The following SLC2A13 variants were observed in gnomAD, a reference collection of about 807,000 sequenced individuals.
SLC2A13 encodes the protein solute carrier family 2 member 13, also known as proton myo-inositol cotransporter.
Under a neutral mutation model 64.4 loss-of-function variants are expected in SLC2A13, and 32 were observed. The ratio of observed to expected loss-of-function variants is 0.50; its 90% CI spans 0.37 to 0.67. The LOEUF is 0.67. SLC2A13 is among the 30% of genes least tolerant of loss of function. The pLI is 0.00. For synonymous variants in SLC2A13, 338 were observed against 327.1 expected (o/e 1.03, Z -0.36); for missense variants, 743 against 829.2 (o/e 0.90, Z 1.28).
intron 7 of SLC2A13, among the ~76,000 whole-genome samples, chr12:39,800,338 C>A (rs1026212786): frequency 2.0e-5 from 3 of 152,080 alleles, no homozygotes; most frequent in Admixed American, 6.6e-5. Context: ...GAATTCGCAA[C>A]CTACTCATCT....
intron 3 of SLC2A13, among the ~76,000 whole-genome samples, chr12:39,956,832 G>T (rs916557147): frequency 2.0e-5 from 3 of 152,012 alleles, no homozygotes; most frequent in Non-Finnish European, 4.4e-5. Flanking sequence ...GTGACTAATG[G>T]ATTACAAGAT....
intron 6 of SLC2A13, 171 bp from the exon 7 acceptor site, chr12:39,830,399 C>G (rs983145972): frequency 9.6e-6 from 13 of 1,347,662 alleles, no homozygotes; most frequent in East Asian, 2.8e-5. Context: ...TGAGAGCTGG[C>G]TGGTCTCTTC....
intron 1 of SLC2A13, among the ~76,000 whole-genome samples, chr12:40,080,979 G>T (rs1938375175): frequency 6.6e-6 from 1 of 152,164 alleles, no homozygotes; most frequent in African/African-American, 2.4e-5. Context: ...GGCTGGAAAT[G>T]GAATTCTTGG....
Position 40,105,939 on chromosome 12 carries a change from C to G in SLC2A13, c.-131G>C. ...TTCTTCCTCCCGGCTTCCGCTCCGG[C>G]TGCCACGGCAGCAGCCGCCGCCACG... On this transcript the variant is annotated 5_prime_UTR_variant, in exon 1 of 10. Coordinates refer to ENST00000280871, the MANE Select transcript of SLC2A13 (RefSeq NM_052885.4). The surrounding 1 kb of genome is among the most constrained non-coding windows in gnomAD (Gnocchi z 4.2). 1 of 1,154,060 alleles carries G rather than the reference C, an allele frequency of 8.7e-7. No individual in the cohort carries two copies. Among genetic ancestry groups the G allele is most frequent in the Non-Finnish European group, 1.1e-6 (1 of 902,122 alleles). 71.5% of individuals were successfully genotyped at this position (1,154,060 alleles called of 1,614,324 possible). A position where few individuals can be genotyped will look rare whatever the true frequency, so the allele number is the denominator to read the frequency against.
intron 4 of SLC2A13, among the ~76,000 whole-genome samples, chr12:39,880,699 C>T (rs117922842): frequency 0.014 from 2,198 of 152,310 alleles, 28 homozygotes; most frequent in Middle Eastern, 0.034. Context: ...GGGATTTCTA[C>T]ATATGCCAAT....
intron 3 of SLC2A13, among the ~76,000 whole-genome samples, chr12:39,966,694 A>G (rs1946522843): frequency 6.6e-6 from 1 of 152,150 alleles, no homozygotes; most frequent in South Asian, 2.1e-4. Flanking sequence ...TCTGATGGCC[A>G]TAGCACAGGA....
Position 39,888,783 on chromosome 12 carries a change from AC to A in SLC2A13, c.1035-16823del, listed in dbSNP as rs1391617307. Among the ~76,000 whole-genome samples the A allele has an allele frequency of 3.9e-5, 6 of 152,186 alleles. No individual in the cohort carries two copies. The East Asian group carries it at 9.6e-4, about 24-fold the overall frequency. On this transcript the variant is annotated intron_variant, in intron 4 of 9. Transcript: ENST00000280871. Reference sequence around the variant, plus strand: ...CCTCTATCTGAAATTCTCACAAGTAACCAAAATTTTATAATATTATATTAAT... The same window carrying A: ...CCTCTATCTGAAATTCTCACAAGTAACAAAATTTTATAATATTATATTAAT...
intron 7 of SLC2A13, among the ~76,000 whole-genome samples, chr12:39,816,730 C>T (rs1402011855): frequency 6.6e-6 from 1 of 151,804 alleles, no homozygotes; most frequent in African/African-American, 2.4e-5. Flanking sequence ...TAAGCCTGTC[C>T]TTTCATGGGT....
At chr12:39,909,073 G>A (rs1391212651) in intron 4 of SLC2A13, among the ~76,000 whole-genome samples, 1 of 151,892 alleles carries the variant, frequency 6.6e-6, no homozygotes, top group Non-Finnish European at 1.5e-5. Context: ...GGAATACAGT[G>A]ACATATATGT....
intron 3 of SLC2A13, among the ~76,000 whole-genome samples, chr12:40,011,812 G>A (rs1167845546): frequency 6.6e-6 from 1 of 152,152 alleles, no homozygotes; most frequent in African/African-American, 2.4e-5. Context: ...TAGGGCTGAG[G>A]GCAAAATGAA....
At chr12:39,960,893 G>A (rs781250069) in intron 3 of SLC2A13, among the ~76,000 whole-genome samples, 5 of 150,466 alleles carry the variant, frequency 3.3e-5, no homozygotes, top group South Asian at 2.1e-4. Flanking sequence ...GATTACAGGC[G>A]CTCGCCACCA....
At chr12:39,818,656 C>A (rs1942405603) in intron 7 of SLC2A13, among the ~76,000 whole-genome samples, 1 of 151,976 alleles carries the variant, frequency 6.6e-6, no homozygotes, top group Admixed American at 6.6e-5. Flanking sequence ...AGCTGATGTC[C>A]CCCAAGTTTT....
rs372252614 is a variant in SLC2A13 at position 39,813,053 on chromosome 12, C to T, written c.1445+17050G>A. Among the ~76,000 whole-genome samples, 27 of 105,852 alleles carry T rather than the reference C, an allele frequency of 2.6e-4. No individual in the cohort carries two copies. In the South Asian group the frequency reaches 9.9e-3, roughly 39 times the overall value. The allele number at this position is 105,852 out of a possible 152,430, so 69.4% of individuals were successfully genotyped here. ...AGAGATGGGGTTTCACCATGTTGGC[C>T]ACGCTGGTCTCAAACTCCTGGCCTC... is the stretch of plus-strand genomic sequence containing the variant. On this transcript the variant is annotated intron_variant, in intron 7 of 9. Coordinates refer to ENST00000280871, the MANE Select transcript of SLC2A13 (RefSeq NM_052885.4).
intron 2 of SLC2A13, among the ~76,000 whole-genome samples, chr12:40,035,939 C>T (rs572799534): frequency 3.9e-5 from 6 of 152,278 alleles, no homozygotes; most frequent in African/African-American, 7.2e-5. Context: ...TGGTAAAATA[C>T]GTTAAGACCT....
chr12:39,962,515 T>C (rs954253653), intron 3 of SLC2A13, among the ~76,000 whole-genome samples: 3 of 152,224 alleles, frequency 2.0e-5, no homozygotes, highest in African/African-American at 7.2e-5. Context: ...TTTATGCATC[T>C]CTGCCTGAAC....
intron 1 of SLC2A13, among the ~76,000 whole-genome samples, chr12:40,103,953 AG>A (rs1387232368): frequency 6.6e-6 from 1 of 152,234 alleles, no homozygotes; most frequent in African/African-American, 2.4e-5. Context: ...AAACAGCAAA[AG>A]GAAGGTCACT....
At chr12:40,023,756 G>A (rs1225119990) in intron 3 of SLC2A13, among the ~76,000 whole-genome samples, 1 of 152,176 alleles carries the variant, frequency 6.6e-6, no homozygotes, top group East Asian at 1.9e-4. Flanking sequence ...TTGCCCAGGA[G>A]AGAAACTCCA....
chr12:40,050,091 T>A (rs958427710), intron 1 of SLC2A13, among the ~76,000 whole-genome samples: 10 of 152,178 alleles, frequency 6.6e-5, no homozygotes, highest in Non-Finnish European at 1.5e-5. Flanking sequence ...CTCATCTAAC[T>A]TGGAAAGAGG....
intron 3 of SLC2A13, among the ~76,000 whole-genome samples, chr12:39,961,701 A>G (rs1489784766): frequency 6.6e-6 from 1 of 151,484 alleles, no homozygotes; most frequent in Non-Finnish European, 1.5e-5. Flanking sequence ...GCAAGGTTTC[A>G]TGTTGCCCAG....
Sources: gnomAD v4.1 joint callset for allele counts (sites outside exome capture counted in the v4.1 genomes callset) on GRCh38, gnomAD v4.1.1 for gene constraint, Gnocchi (gnomAD v3.1) non-coding constraint, MANE v1.5 for transcripts, NCBI Gene and HGNC (gene_info 2026-07-23, HGNC 2026-07-21) for gene names.